ARFGEF1: variants seen among roughly 807,000 people sequenced by gnomAD.
ARFGEF1 encodes the protein brefeldin A-inhibited guanine nucleotide-exchange protein 1.
Under a neutral mutation model 231.0 loss-of-function variants are expected in ARFGEF1, and 42 were observed. The ratio of observed to expected loss-of-function variants is 0.18; its 90% CI spans 0.14 to 0.24. The LOEUF (loss-of-function observed/expected upper bound fraction) is 0.24, where lower values mean the gene tolerates loss of function less well. Among genes scored for constraint, ARFGEF1 ranks in the 10% least tolerant of loss-of-function variants. ARFGEF1 has a pLI of 1.00. For synonymous variants in ARFGEF1, 710 were observed against 732.3 expected (o/e 0.97, Z 0.49); for missense variants, 1,345 against 2,192.0 (o/e 0.61, Z 7.72).
chr8:67,323,553 T>G (rs1462340958), intron 1 of ARFGEF1, among the ~76,000 whole-genome samples: 1 of 152,182 alleles, frequency 6.6e-6, no homozygotes, highest in Non-Finnish European at 1.5e-5. Flanking sequence ...GCTTATTTTC[T>G]CATACTGCCA....
chr8:67,227,141 A>T lies in ARFGEF1; in HGVS notation c.3912T>A (p.Ile1304=), dbSNP rs577247462. 6.2e-7 allele frequency: 1 copy of T among 1,611,470 alleles called. No homozygotes were observed. Among genetic ancestry groups the T allele is most frequent in the Non-Finnish European group, 8.5e-7 (1 of 1,178,430 alleles). The part of the protein sequence containing the change: ...VELAFQTTGH[I]VTLVFEKHFP... The stretch of plus-strand genomic sequence containing the variant: ...CACAGCTAAGAGAATACTCACTGAC[A>T]ATGTGCCCGGTTGTTTGGAATGCAA... The change falls in exon 27 of 39, where the codon ATT becomes ATA. Residue 1304 remains isoleucine, a synonymous_variant. Coordinates refer to ENST00000262215, the MANE Select transcript of ARFGEF1 (RefSeq NM_006421.5).
intron 29 of ARFGEF1, among the ~76,000 whole-genome samples, chr8:67,222,178 TACAC>T (rs202006835): frequency 0.094 from 10,516 of 111,764 alleles, 1,058 homozygotes; most frequent in African/African-American, 0.27. Context: ...TATATATATA[TACAC>T]ATATATATAT....
intron 19 of ARFGEF1, among the ~76,000 whole-genome samples, chr8:67,241,976 C>G (rs1238729545): frequency 6.6e-6 from 1 of 152,190 alleles, no homozygotes; most frequent in Non-Finnish European, 1.5e-5. Flanking sequence ...GAAAGCAAAA[C>G]TGAGCTGAAC....
chr8:67,297,414 T>C (rs946539250), intron 4 of ARFGEF1, among the ~76,000 whole-genome samples: 1 of 152,110 alleles, frequency 6.6e-6, no homozygotes, highest in African/African-American at 2.4e-5. Flanking sequence ...AATAAAGCAT[T>C]TAAAATAATC....
Position 67,198,272 on chromosome 8 carries a change from T to C in ARFGEF1, c.*662A>G, listed in dbSNP as rs1838175219. On this transcript the variant is annotated 3_prime_UTR_variant, in exon 39 of 39. Coordinates refer to ENST00000262215, the MANE Select transcript of ARFGEF1 (RefSeq NM_006421.5). The stretch of plus-strand genomic sequence containing the variant: ...ATCCCTATAAAATAAAAAAGAAAGT[T>C]CCACCCAAATGTTTAGTGCATTTGA... 1 of 985,590 alleles carries C rather than the reference T, an allele frequency of 1.0e-6. No homozygotes were observed. The highest frequency in any genetic ancestry group is 1.7e-5 in the African/African-American group (1 of 57,206). The allele number at this position is 985,590 out of a possible 1,614,324, so 61.1% of individuals were successfully genotyped here. A position where few individuals can be genotyped will look rare whatever the true frequency, so the allele number is the denominator to read the frequency against.
chr8:67,181,030 GT>G (rs376605644), intron 5 of ARFGEF1, among the ~76,000 whole-genome samples: 5 of 147,578 alleles, frequency 3.4e-5, no homozygotes, highest in Non-Finnish European at 3.0e-5. Flanking sequence ...TCTCTTAATG[GT>G]TTTTTTTTTG....
chr8:67,225,350 T>TA (rs1224219713), intron 28 of ARFGEF1, among the ~76,000 whole-genome samples: 2 of 152,186 alleles, frequency 1.3e-5, no homozygotes, highest in Non-Finnish European at 2.9e-5. Flanking sequence ...ATGGTTATGA[T>TA]ACCAGACAGC....
chr8:67,264,844 C>T (rs1804784419), intron 14 of ARFGEF1, among the ~76,000 whole-genome samples: 1 of 152,148 alleles, frequency 6.6e-6, no homozygotes. Flanking sequence ...CTCTGTACGA[C>T]ACTCTTTTAT....
rs758154922 is a variant in ARFGEF1, at chr8:67,232,847, T to C, written c.3380+8A>G. 3.8e-6 allele frequency: 6 copies of C among 1,582,176 alleles called. No homozygotes were observed. In the East Asian group the frequency reaches 1.4e-4, roughly 36 times the overall value. Reference sequence around the variant, plus strand: ...TCATCTGAAAAGGGAATAAAATGAATACCTTACCTATCTACAGCAACAACA... The same window carrying C: ...TCATCTGAAAAGGGAATAAAATGAACACCTTACCTATCTACAGCAACAACA... On this transcript the variant is annotated splice_region_variant and intron_variant, in intron 23 of 38. Coordinates refer to ENST00000262215, the MANE Select transcript of ARFGEF1 (RefSeq NM_006421.5).
chr8:67,178,534 T>G (rs1323121166), intron 5 of ARFGEF1, among the ~76,000 whole-genome samples: 1 of 152,146 alleles, frequency 6.6e-6, no homozygotes, highest in African/African-American at 2.4e-5. Flanking sequence ...TTTTGAATCA[T>G]GGTGCTGTGG....
chr8:67,257,287 C>T (rs1043801065), intron 17 of ARFGEF1, among the ~76,000 whole-genome samples: 2 of 152,072 alleles, frequency 1.3e-5, no homozygotes, highest in Non-Finnish European at 2.9e-5. Flanking sequence ...CATCATGTTG[C>T]CCAGGCTGGT....
chr8:67,192,201 A>G (rs568946625), intron 5 of ARFGEF1, among the ~76,000 whole-genome samples: 1 of 151,436 alleles, frequency 6.6e-6, no homozygotes, highest in Non-Finnish European at 1.5e-5. Context: ...CAGCCTCCCA[A>G]GTAGCTGGGA....
chr8:67,293,677 T>C lies in ARFGEF1; in HGVS notation c.640-1554A>G, dbSNP rs1806107536. Among the ~76,000 whole-genome samples, 4 of 152,174 alleles carry C rather than the reference T, an allele frequency of 2.6e-5. No homozygotes were observed. In the South Asian group the frequency reaches 8.3e-4, roughly 31 times the overall value. ...AAAAGAGAATGTATAGCATATGTGG[T>C]AGCTAGTCTTCAAGATGGTCACCAA... On this transcript the variant is annotated intron_variant, in intron 5 of 38. Coordinates refer to ENST00000262215, the MANE Select transcript of ARFGEF1 (RefSeq NM_006421.5).
intron 1 of ARFGEF1, among the ~76,000 whole-genome samples, chr8:67,313,414 C>T (rs1055561523): frequency 6.6e-6 from 1 of 152,128 alleles, no homozygotes; most frequent in Non-Finnish European, 1.5e-5. Flanking sequence ...TGGGTAGCCT[C>T]GGTCAGAAGA....
At chr8:67,203,332 C>G in intron 35 of ARFGEF1, 81 bp from the exon 36 acceptor site, 1 of 1,491,814 alleles carries the variant, frequency 6.7e-7, no homozygotes, top group Non-Finnish European at 9.1e-7. Flanking sequence ...TCCCCAAAGA[C>G]CAGTTTTACA....
chr8:67,339,066 G>GT (rs1808478320), intron 1 of ARFGEF1, among the ~76,000 whole-genome samples: 1 of 152,140 alleles, frequency 6.6e-6, no homozygotes, highest in Admixed American at 6.5e-5. Flanking sequence ...GTTCTGAAAA[G>GT]TTTGAGTCTC....
intron 5 of ARFGEF1, among the ~76,000 whole-genome samples, chr8:67,293,670 T>A (rs1332055214): frequency 1.3e-5 from 2 of 152,154 alleles, no homozygotes; most frequent in East Asian, 3.8e-4. Context: ...ATGTATAGCA[T>A]ATGTGGTAGC....
At chr8:67,290,833 T>C (rs2128909031) in intron 6 of ARFGEF1, among the ~76,000 whole-genome samples, 1 of 152,256 alleles carries the variant, frequency 6.6e-6, no homozygotes, top group South Asian at 2.1e-4. Flanking sequence ...GCTTAGCTTA[T>C]CGAAGTCATC....
chr8:67,272,123 T>C (rs1805121792), intron 9 of ARFGEF1, among the ~76,000 whole-genome samples, 187 bp from the exon 10 acceptor site: 1 of 152,244 alleles, frequency 6.6e-6, no homozygotes, highest in South Asian at 2.1e-4. Flanking sequence ...TAACAACAGG[T>C]GCTTTCACTG....
Sources: gnomAD v4.1 joint callset for allele counts (sites outside exome capture counted in the v4.1 genomes callset) on GRCh38, gnomAD v4.1.1 for gene constraint, MANE v1.5 for transcripts, NCBI Gene and HGNC (gene_info 2026-07-23, HGNC 2026-07-21) for gene names.